CELF2: variants seen among roughly 807,000 people sequenced by gnomAD.
CELF2 encodes the protein CUG triplet repeat RNA-binding protein 2.
Under a neutral mutation model 62.6 loss-of-function variants are expected in CELF2, and 8 were observed. That is an observed-to-expected ratio of 0.13 (90% CI 0.07 to 0.23). The LOEUF is 0.23. Ranked by LOEUF, CELF2 falls within the 10% of genes least tolerant of loss-of-function variation. The pLI is 1.00. For synonymous variants in CELF2, 258 were observed against 250.0 expected (o/e 1.03, Z -0.30); for missense variants, 333 against 671.0 (o/e 0.50, Z 5.56).
At chr10:11,020,560 ATAT>A (rs1466093530) in intron 1 of CELF2, among the ~76,000 whole-genome samples, 1 of 152,218 alleles carries the variant, frequency 6.6e-6, no homozygotes. Context: ...CATGTGTGGT[ATAT>A]TGCCATTTGG....
At chr10:10,783,842 G>T in the CELF2 span, among the ~76,000 whole-genome samples, 1 of 152,128 alleles carries the variant, frequency 6.6e-6, no homozygotes, top group Non-Finnish European at 1.5e-5. Flanking sequence ...AAAAAAAGTA[G>T]CTGGGCGTGG....
intron 1 of CELF2, among the ~76,000 whole-genome samples, chr10:10,878,360 A>G (rs1421881540): frequency 6.6e-6 from 1 of 152,180 alleles, no homozygotes; most frequent in African/African-American, 2.4e-5. Flanking sequence ...CCTTTCTGTG[A>G]GTCTCTGAGC....
In CELF2 at chr10:11,131,668, A is replaced by G. The variant is rs549378959; in HGVS notation, c.75-33818A>G. On this transcript the variant is annotated intron_variant, in intron 1 of 12. Coordinates refer to ENST00000633077, the MANE Select transcript of CELF2 (RefSeq NM_001326342.2). ...ATGCTCTCAGCTATGTTGTGGCAGT[A>G]GCCATGGGCTGCTGTTGCAATGACA... Among the ~76,000 whole-genome samples the G allele has an allele frequency of 9.2e-4, 140 of 152,372 alleles. 1 individual carries two copies. Among genetic ancestry groups the G allele is most frequent in the African/African-American group, 3.1e-3 (130 of 41,584 alleles).
At position 11,258,456 on chromosome 10, in the gene CELF2, G is replaced by T. The variant is rs956964782; in HGVS notation, c.538+584G>T. ...AGTGACAGAAAAGCGACTTTACCCT[G>T]AAGAAGATTGTAGGCACTTCTTTGC... On this transcript the variant is annotated intron_variant, in intron 5 of 12. Transcript: ENST00000633077. Among the ~76,000 whole-genome samples, 13 of 152,342 alleles carry T rather than the reference G, an allele frequency of 8.5e-5. 1 individual carries two copies. In the South Asian group the frequency reaches 2.7e-3, roughly 32 times the overall value.
At chr10:10,472,018 T>C in the CELF2 span, among the ~76,000 whole-genome samples, 2 of 150,422 alleles carry the variant, frequency 1.3e-5, no homozygotes, top group South Asian at 4.1e-4. Flanking sequence ...TCTAGCTGAA[T>C]TCAAGATTTT....
intron 1 of CELF2, among the ~76,000 whole-genome samples, chr10:11,044,020 T>C (rs1292159775): frequency 6.6e-6 from 1 of 152,212 alleles, no homozygotes; most frequent in Non-Finnish European, 1.5e-5. Context: ...CGCTCTTCTC[T>C]CTGCCCTGAA....
the CELF2 span, among the ~76,000 whole-genome samples, chr10:10,705,671 C>T: frequency 6.6e-6 from 1 of 152,178 alleles, no homozygotes. Flanking sequence ...TGGATGTCCC[C>T]TGTCACTGAG....
chr10:10,844,430 T>C (rs1166144955), intron 1 of CELF2, among the ~76,000 whole-genome samples: 1 of 151,942 alleles, frequency 6.6e-6, no homozygotes, highest in African/African-American at 2.4e-5. Flanking sequence ...TGGAACAAAA[T>C]CTTAAGGGAA....
rs193225379 is a variant in CELF2, at chr10:11,330,517, A to T, written c.*1464A>T. The T allele has an allele frequency of 6.6e-6, 1 of 152,668 alleles. No homozygotes were observed. The highest frequency in any genetic ancestry group is 6.6e-5 in the Admixed American group (1 of 15,262). 9.5% of individuals were successfully genotyped at this position (152,668 alleles called of 1,614,324 possible). A position where few individuals can be genotyped will look rare whatever the true frequency, so the allele number is the denominator to read the frequency against. ...ATGTCCCTGTGGCGTCTCAAAAAAA[A>T]GTTTCATCGTCCCGTCATTGTTTCT... On this transcript the variant is annotated 3_prime_UTR_variant, in exon 13 of 13. Coordinates refer to ENST00000633077, the MANE Select transcript of CELF2 (RefSeq NM_001326342.2). This position sits in a 1 kb window ranked among gnomAD's most constrained non-coding sequence, Gnocchi z 4.5.
At chr10:10,682,557 T>A in the CELF2 span, among the ~76,000 whole-genome samples, 2 of 152,220 alleles carry the variant, frequency 1.3e-5, no homozygotes, top group African/African-American at 4.8e-5. Flanking sequence ...GCTAGACAAG[T>A]AGTGAGGGTG....
At position 11,316,119 on chromosome 10, in the gene CELF2, T is replaced by C. The variant is rs909514356; in HGVS notation, c.1096+1861T>C. On this transcript the variant is annotated intron_variant, in intron 10 of 12. Coordinates refer to ENST00000633077, the MANE Select transcript of CELF2 (RefSeq NM_001326342.2). This position sits in a 1 kb window ranked among gnomAD's most constrained non-coding sequence, Gnocchi z 4.4. ...GCTGTGTTGAATGGCAGAGAAACCA[T>C]GAGTAGTTCTTGTGTGGGGTCTTGT... Among the ~76,000 whole-genome samples the C allele has an allele frequency of 6.6e-6, 1 of 152,236 alleles. No individual in the cohort carries two copies. Among genetic ancestry groups the C allele is most frequent in the Non-Finnish European group, 1.5e-5 (1 of 68,042 alleles).
At chr10:11,140,418 A>G (rs904616633) in intron 1 of CELF2, among the ~76,000 whole-genome samples, 2 of 151,750 alleles carry the variant, frequency 1.3e-5, no homozygotes, top group Non-Finnish European at 2.9e-5. Flanking sequence ...GTCTTTAGAC[A>G]TTTAAGTGCC....
chr10:11,254,528 T>A (rs1285523163), intron 4 of CELF2, among the ~76,000 whole-genome samples: 5 of 152,228 alleles, frequency 3.3e-5, no homozygotes, highest in Non-Finnish European at 2.9e-5. Flanking sequence ...CATTTCTTCA[T>A]GAGTAGTTTC....
chr10:11,122,877 C>T (rs1192626794), intron 1 of CELF2, among the ~76,000 whole-genome samples: 6 of 152,256 alleles, frequency 3.9e-5, no homozygotes, highest in African/African-American at 7.2e-5. Context: ...GAGTATGTGT[C>T]GGGCACCTGG....
intron 2 of CELF2, among the ~76,000 whole-genome samples, chr10:11,170,192 G>A (rs1371928101): frequency 2.0e-5 from 3 of 152,214 alleles, no homozygotes; most frequent in African/African-American, 4.8e-5. Flanking sequence ...GTAAGGTAGA[G>A]ATGACTCTGC....
At chr10:11,040,858 G>T (rs2061721458) in intron 1 of CELF2, among the ~76,000 whole-genome samples, 1 of 151,768 alleles carries the variant, frequency 6.6e-6, no homozygotes, top group Non-Finnish European at 1.5e-5. Context: ...ATTATTCAGG[G>T]CTGCATTAAG....
At chr10:10,696,334 C>T in the CELF2 span, among the ~76,000 whole-genome samples, 2 of 151,724 alleles carry the variant, frequency 1.3e-5, no homozygotes, top group Non-Finnish European at 2.9e-5. Flanking sequence ...GGGTCAGGGA[C>T]CCACTTGAGG....
chr10:11,009,511 C>T (rs991763727), intron 1 of CELF2, among the ~76,000 whole-genome samples: 3 of 152,164 alleles, frequency 2.0e-5, no homozygotes, highest in Non-Finnish European at 4.4e-5. Flanking sequence ...TATCTCCCCC[C>T]ACAGCTTTCT....
chr10:11,133,924 A>G (rs781522191), intron 1 of CELF2, among the ~76,000 whole-genome samples: 7 of 152,312 alleles, frequency 4.6e-5, no homozygotes, highest in Middle Eastern at 3.4e-3. Context: ...AGAGGCTGAA[A>G]CACTTGACAC....
Sources: allele counts gnomAD v4.1 joint callset (sites outside exome capture counted in the v4.1 genomes callset), GRCh38; gene constraint gnomAD v4.1.1; non-coding constraint Gnocchi (gnomAD v3.1); transcripts MANE v1.5; gene names NCBI Gene and HGNC (gene_info 2026-07-23, HGNC 2026-07-21).